The following ABCE1 variants were observed in gnomAD, a reference collection of about 807,000 sequenced individuals.
ABCE1 encodes ATP binding cassette subfamily E member 1.
Under a neutral mutation model 83.4 loss-of-function variants are expected in ABCE1, and 22 were observed. That is an observed-to-expected ratio of 0.26 (90% CI 0.19 to 0.38). The LOEUF (loss-of-function observed/expected upper bound fraction) is 0.38. Ranked by LOEUF, ABCE1 falls within the 10% of genes least tolerant of loss-of-function variation. The probability of loss-of-function intolerance (pLI) is 1.00; values close to 1 mark genes in which losing one functional copy is unlikely to be tolerated. For missense variants in ABCE1, 330 were observed against 721.9 expected (o/e 0.46, Z 6.22); for synonymous variants, 204 against 233.7 (o/e 0.87, Z 1.16).
intron 15 of ABCE1, 27 bp from the exon 16 acceptor site, chr4:145,123,451 T>C (rs1225760010): frequency 1.9e-6 from 3 of 1,593,654 alleles, no homozygotes; most frequent in Non-Finnish European, 2.6e-6. Flanking sequence ...TAGAAAGCTA[T>C]AAGATTTCAA....
At chr4:145,117,696 C>G (rs936622700) in intron 10 of ABCE1, among the ~76,000 whole-genome samples, 2 of 151,640 alleles carry the variant, frequency 1.3e-5, no homozygotes, top group Non-Finnish European at 3.0e-5. Context: ...ATTTTGGCTT[C>G]TGCAGTATTA....
intron 10 of ABCE1, among the ~76,000 whole-genome samples, chr4:145,117,781 G>A (rs574002638): frequency 1.3e-5 from 2 of 151,698 alleles, no homozygotes; most frequent in East Asian, 3.9e-4. Flanking sequence ...TGCTTTCAGT[G>A]TTCATCTTGT....
intron 1 of ABCE1, among the ~76,000 whole-genome samples, chr4:145,099,209 A>G (rs768007570): frequency 1.3e-5 from 2 of 152,242 alleles, no homozygotes; most frequent in African/African-American, 2.4e-5. Flanking sequence ...TGAATGAATG[A>G]CAGCCAAAGC....
chr4:145,107,404 G>C (rs1749340269), intron 3 of ABCE1, among the ~76,000 whole-genome samples: 1 of 152,112 alleles, frequency 6.6e-6, no homozygotes, highest in Non-Finnish European at 1.5e-5. Context: ...ATCTGTTTTG[G>C]AAAGAATATA....
chr4:145,101,133 G>A (rs867344028), intron 1 of ABCE1, among the ~76,000 whole-genome samples: 2 of 152,262 alleles, frequency 1.3e-5, no homozygotes, highest in Middle Eastern at 3.4e-3. Context: ...AATAAAGCAA[G>A]AAAGAAGGAT....
chr4:145,100,462 CT>C (rs1749116143), intron 1 of ABCE1, among the ~76,000 whole-genome samples: 1 of 152,196 alleles, frequency 6.6e-6, no homozygotes, highest in Admixed American at 6.5e-5. Flanking sequence ...GATTTATCCC[CT>C]GGAGGGGAAT....
chr4:145,117,154 C>G, intron 9 of ABCE1, 139 bp from the exon 10 acceptor site: 2 of 636,050 alleles, frequency 3.1e-6, no homozygotes. Flanking sequence ...GATAATGAGC[C>G]TTACTAAAAA....
chr4:145,122,289 A>T (rs1251425925), intron 13 of ABCE1: 1 of 152,162 alleles, frequency 6.6e-6, no homozygotes, highest in African/African-American at 2.4e-5. Flanking sequence ...CTTAGCTTTA[A>T]ATTCTAAAAT....
At chr4:145,108,575 A>T (rs1749374976) in intron 4 of ABCE1, among the ~76,000 whole-genome samples, 1 of 152,142 alleles carries the variant, frequency 6.6e-6, no homozygotes, top group African/African-American at 2.4e-5. Flanking sequence ...TTAGTTTGGG[A>T]TTTTTATCTG....
intron 10 of ABCE1, among the ~76,000 whole-genome samples, chr4:145,119,544 T>C (rs1024086176): frequency 6.6e-6 from 1 of 151,924 alleles, no homozygotes; most frequent in Non-Finnish European, 1.5e-5. Flanking sequence ...TTGATAACAT[T>C]GTATATTAAA....
Position 145,112,262 on chromosome 4 carries a change from GT to G in ABCE1, c.736del (p.Tyr246ThrfsTer2). On this transcript the variant is annotated frameshift_variant, in exon 9 of 18. Coordinates refer to ENST00000296577, the MANE Select transcript of ABCE1 (RefSeq NM_002940.3). LOFTEE classifies it high-confidence loss of function. ...AGTTTCATGTTTGATGAGCCTTCTAGTTACCTAGATGTCAAGCAGCGTTTAA... is the reference window on the plus strand; with the variant it reads ...AGTTTCATGTTTGATGAGCCTTCTAGTACCTAGATGTCAAGCAGCGTTTAA... The part of the protein sequence containing the change: ...ADIFMFDEPS[S>X]YLDVKQRLKA... The G allele has an allele frequency of 6.9e-7, 1 of 1,457,090 alleles. No individual in the cohort carries two copies. Among genetic ancestry groups the G allele is most frequent in the Non-Finnish European group, 9.3e-7 (1 of 1,070,208 alleles). 90.3% of individuals were successfully genotyped at this position (1,457,090 alleles called of 1,614,324 possible). A position where few individuals can be genotyped will look rare whatever the true frequency, so the allele number is the denominator to read the frequency against.
intron 1 of ABCE1, among the ~76,000 whole-genome samples, chr4:145,100,098 A>G (rs1414692735): frequency 6.6e-6 from 1 of 152,270 alleles, no homozygotes; most frequent in African/African-American, 2.4e-5. Flanking sequence ...TAACAGTTCT[A>G]CAAAGAATCC....
intron 16 of ABCE1, among the ~76,000 whole-genome samples, chr4:145,124,353 CTT>C (rs759098353): frequency 2.1e-5 from 3 of 143,646 alleles, no homozygotes; most frequent in African/African-American, 5.1e-5. Context: ...CCCTGAATTC[CTT>C]TTTTTTTTTT....
intron 8 of ABCE1, 174 bp downstream of exon 8, chr4:145,111,238 T>A (rs1475341997): frequency 4.4e-6 from 2 of 454,344 alleles, no homozygotes; most frequent in Admixed American, 8.3e-5. Context: ...TTCCCTGTTA[T>A]ATTCACAGGG....
At chr4:145,125,758 A>G (rs1749863736) in intron 17 of ABCE1, among the ~76,000 whole-genome samples, 1 of 152,220 alleles carries the variant, frequency 6.6e-6, no homozygotes, top group South Asian at 2.1e-4. Context: ...ATATTTTTCA[A>G]TACATGATTA....
intron 10 of ABCE1, 56 bp downstream of exon 10, chr4:145,117,470 T>G: frequency 2.6e-6 from 4 of 1,536,896 alleles, no homozygotes; most frequent in Non-Finnish European, 3.5e-6. Flanking sequence ...CTAATGCTTA[T>G]AAACTACATT....
In ABCE1 at chr4:145,111,324, T is replaced by A. The variant is rs34861658; in HGVS notation, c.710+260T>A. On this transcript the variant is annotated intron_variant, in intron 8 of 17. Coordinates refer to ENST00000296577, the MANE Select transcript of ABCE1 (RefSeq NM_002940.3). ...TTTATATAAAGTCAGTTATTCATTA[T>A]CTAAGCTCTCTTTTTTTGAGACGGA... Among the ~76,000 whole-genome samples, 206 of 152,324 alleles carry A rather than the reference T, an allele frequency of 1.4e-3. 1 individual carries two copies. Among genetic ancestry groups the A allele is most frequent in the Non-Finnish European group, 2.1e-3 (143 of 68,016 alleles).
At chr4:145,124,564 C>A (rs932418673) in intron 16 of ABCE1, among the ~76,000 whole-genome samples, 4 of 152,100 alleles carry the variant, frequency 2.6e-5, no homozygotes, top group Non-Finnish European at 5.9e-5. Context: ...AAGGAATTGT[C>A]ACTGAAAACC....
At chr4:145,101,937 C>G (rs1275116546) in intron 1 of ABCE1, among the ~76,000 whole-genome samples, 3 of 152,016 alleles carry the variant, frequency 2.0e-5, no homozygotes, top group Non-Finnish European at 4.4e-5. Context: ...GAATTTAAAC[C>G]TGTGAGACCA....
Sources: gnomAD v4.1 joint callset for allele counts (sites outside exome capture counted in the v4.1 genomes callset) on GRCh38, gnomAD v4.1.1 for gene constraint, MANE v1.5 for transcripts, NCBI Gene and HGNC (gene_info 2026-07-23, HGNC 2026-07-21) for gene names.